PAN3: variants seen among roughly 807,000 people sequenced by gnomAD.
PAN3 encodes the protein poly(A) specific ribonuclease subunit PAN3.
PAN3 carries 19 observed loss-of-function variants against 96.2 expected under a neutral mutation model. The observed-to-expected ratio is 0.20, with a 90% CI of 0.14 to 0.29. The LOEUF (loss-of-function observed/expected upper bound fraction) is 0.29, where lower values mean the gene tolerates loss of function less well. Ranked by LOEUF, PAN3 falls within the 10% of genes least tolerant of loss-of-function variation. PAN3 has a pLI of 1.00. For synonymous variants in PAN3, 433 were observed against 406.6 expected (o/e 1.06, Z -0.78); for missense variants, 882 against 1,108.1 (o/e 0.80, Z 2.90).
intron 4 of PAN3, among the ~76,000 whole-genome samples, chr13:28,196,329 T>TA (rs1447840599): frequency 1.3e-5 from 2 of 152,154 alleles, no homozygotes; most frequent in Non-Finnish European, 2.9e-5. Context: ...AAGTTTTCCT[T>TA]AAGATGCAGT....
chr13:28,139,191 C>T lies in PAN3; in HGVS notation c.430+104C>T, dbSNP rs1017934843. ...GCTGAGCACGGCCCGCGGGCTCCCCCCCTCACCTCCCAAGGCGGTCTGAGA... is the reference window on the plus strand; with the variant it reads ...GCTGAGCACGGCCCGCGGGCTCCCCTCCTCACCTCCCAAGGCGGTCTGAGA... On this transcript the variant is annotated intron_variant, in intron 1 of 18. Coordinates refer to ENST00000380958, the MANE Select transcript of PAN3 (RefSeq NM_175854.8). 4 of 1,190,096 alleles carry T rather than the reference C, an allele frequency of 3.4e-6. No individual in the cohort carries two copies. The African/African-American group carries it at 4.7e-5, about 14-fold the overall frequency. The allele number at this position is 1,190,096 out of a possible 1,614,324, so 73.7% of individuals were successfully genotyped here. A position where few individuals can be genotyped will look rare whatever the true frequency, so the allele number is the denominator to read the frequency against.
intron 17 of PAN3, among the ~76,000 whole-genome samples, chr13:28,283,421 G>C (rs1054843294): frequency 2.0e-5 from 3 of 152,118 alleles, no homozygotes; most frequent in Non-Finnish European, 2.9e-5. Context: ...GGAAAAGTTT[G>C]CAGTGAAAAC....
intron 1 of PAN3, among the ~76,000 whole-genome samples, chr13:28,144,057 C>G (rs1326720022): frequency 6.6e-6 from 1 of 152,082 alleles, no homozygotes; most frequent in African/African-American, 2.4e-5. Context: ...TCATTTCACT[C>G]ATTTAATATC....
intron 6 of PAN3, among the ~76,000 whole-genome samples, chr13:28,247,739 T>C (rs1405969687): frequency 6.6e-6 from 1 of 152,206 alleles, no homozygotes; most frequent in Non-Finnish European, 1.5e-5. Context: ...TGCCTATAAA[T>C]ATGTGTATTT....
At chr13:28,164,762 T>G (rs1293633661) in intron 1 of PAN3, among the ~76,000 whole-genome samples, 1 of 152,210 alleles carries the variant, frequency 6.6e-6, no homozygotes, top group Non-Finnish European at 1.5e-5. Context: ...TCTAGTATGA[T>G]GTTTTTGGAG....
At chr13:28,271,941 T>G in intron 13 of PAN3, 40 bp from the exon 14 acceptor site, 2 of 1,378,426 alleles carry the variant, frequency 1.5e-6, no homozygotes, top group Non-Finnish European at 2.0e-6. Context: ...TTTTAAAAAC[T>G]TATTTTAATT....
At chr13:28,247,273 A>AT (rs1304724515) in intron 6 of PAN3, among the ~76,000 whole-genome samples, 1 of 151,702 alleles carries the variant, frequency 6.6e-6, no homozygotes, top group Non-Finnish European at 1.5e-5. Context: ...ATTTGGATTT[A>AT]TTTTTTTATT....
intron 5 of PAN3, among the ~76,000 whole-genome samples, chr13:28,208,332 GTAC>G (rs1230047518): frequency 6.6e-6 from 1 of 152,096 alleles, no homozygotes; most frequent in African/African-American, 2.4e-5. Context: ...TCACTTTCCT[GTAC>G]TACTTATTCA....
intron 6 of PAN3, among the ~76,000 whole-genome samples, chr13:28,222,625 A>T (rs951331098): frequency 6.6e-6 from 1 of 152,186 alleles, no homozygotes; most frequent in Non-Finnish European, 1.5e-5. Flanking sequence ...CGGAAAAACC[A>T]TTGTACTCTC....
chr13:28,236,604 G>C (rs896002355), intron 6 of PAN3, among the ~76,000 whole-genome samples: 6 of 152,184 alleles, frequency 3.9e-5, no homozygotes. Context: ...GGGCAGTTGA[G>C]AGTCAGTGAA....
chr13:28,151,287 G>T (rs1039208922), intron 1 of PAN3, among the ~76,000 whole-genome samples: 3 of 152,102 alleles, frequency 2.0e-5, no homozygotes, highest in Non-Finnish European at 2.9e-5. Flanking sequence ...AGGCCGAGGT[G>T]GGCAGATCAC....
intron 1 of PAN3, among the ~76,000 whole-genome samples, chr13:28,166,483 T>TC (rs1419640438): frequency 1.3e-5 from 2 of 152,176 alleles, no homozygotes; most frequent in African/African-American, 4.8e-5. Context: ...TTAATGCAAC[T>TC]CTCACAGGTT....
chr13:28,203,002 G>T (rs924337429), intron 5 of PAN3, among the ~76,000 whole-genome samples: 1 of 151,608 alleles, frequency 6.6e-6, no homozygotes, highest in African/African-American at 2.4e-5. Context: ...TCACTCTGTT[G>T]CCCAGGCTGG....
At chr13:28,255,602 G>A (rs1476486785) in intron 6 of PAN3, among the ~76,000 whole-genome samples, 1 of 151,950 alleles carries the variant, frequency 6.6e-6, no homozygotes, top group African/African-American at 2.4e-5. Context: ...AGAACATAAT[G>A]GTATCAATTG....
chr13:28,190,033 C>T (rs4771231), intron 4 of PAN3, among the ~76,000 whole-genome samples: 59,198 of 151,972 alleles, frequency 0.39, 13,163 homozygotes, highest in African/African-American at 0.62. Context: ...AAACTCTGCC[C>T]CCCGGGTTCA....
intron 5 of PAN3, among the ~76,000 whole-genome samples, chr13:28,204,494 ATGTT>A (rs1156965222): frequency 6.6e-6 from 1 of 152,112 alleles, no homozygotes; most frequent in Non-Finnish European, 1.5e-5. Context: ...CCTAAAGTTG[ATGTT>A]TGTTTATATT....
intron 15 of PAN3, among the ~76,000 whole-genome samples, chr13:28,278,316 A>G (rs1262533070): frequency 6.6e-6 from 1 of 152,218 alleles, no homozygotes; most frequent in East Asian, 1.9e-4. Flanking sequence ...ATCAAATTCA[A>G]ATAAGATGAT....
chr13:28,192,200 G>T (rs1333355484), intron 4 of PAN3, among the ~76,000 whole-genome samples: 1 of 151,956 alleles, frequency 6.6e-6, no homozygotes, highest in South Asian at 2.1e-4. Flanking sequence ...CTCCTGAGTC[G>T]CTGGGATTAC....
At chr13:28,176,468 TA>T in intron 2 of PAN3, 24 bp from the exon 3 acceptor site, 1 of 1,595,194 alleles carries the variant, frequency 6.3e-7, no homozygotes. Context: ...TCAGTGATGT[TA>T]TAAATAAATA....
Sources: allele counts gnomAD v4.1 joint callset (sites outside exome capture counted in the v4.1 genomes callset), GRCh38; gene constraint gnomAD v4.1.1; transcripts MANE v1.5; gene names NCBI Gene and HGNC (gene_info 2026-07-23, HGNC 2026-07-21).